The following PLXNA2 variants were observed in gnomAD, a reference collection of about 807,000 sequenced individuals.
PLXNA2 encodes plexin A2, also known as plexin-A2.
Under a neutral mutation model 193.5 loss-of-function variants are expected in PLXNA2, and 91 were observed. That is an observed-to-expected ratio of 0.47 (90% CI 0.40 to 0.56). PLXNA2 has a LOEUF of 0.56. Ranked by LOEUF, PLXNA2 falls within the 20% of genes least tolerant of loss-of-function variation. The pLI is 0.00. For missense variants in PLXNA2, 1,995 were observed against 2,503.2 expected, an observed-to-expected ratio of 0.80 and a Z score of 4.33; for synonymous variants, 997 against 1,027.3, an observed-to-expected ratio of 0.97 and a Z score of 0.56.
At chr1:208,173,969 C>T (rs182915399) in intron 3 of PLXNA2, among the ~76,000 whole-genome samples, 4 of 152,356 alleles carry the variant, frequency 2.6e-5, no homozygotes, top group East Asian at 1.9e-4. Flanking sequence ...TGCGCACCCC[C>T]ACTCACACAG....
chr1:208,204,472 C>T (rs1670651965), intron 3 of PLXNA2, among the ~76,000 whole-genome samples: 1 of 152,206 alleles, frequency 6.6e-6, no homozygotes, highest in Admixed American at 6.5e-5. Flanking sequence ...TCCTGTTACC[C>T]ACCAGAAGTT....
intron 12 of PLXNA2, among the ~76,000 whole-genome samples, chr1:208,063,015 C>T (rs1665666561): frequency 6.6e-6 from 1 of 152,154 alleles, no homozygotes; most frequent in African/African-American, 2.4e-5. Flanking sequence ...TCCTGGTTCT[C>T]TTTTAATCCA....
intron 31 of PLXNA2, 28 bp from the exon 32 acceptor site, chr1:208,027,366 A>C: frequency 2.5e-6 from 4 of 1,589,544 alleles, no homozygotes; most frequent in Non-Finnish European, 3.4e-6. Flanking sequence ...AGGCAGGAAG[A>C]CTTCAGGACT....
intron 3 of PLXNA2, among the ~76,000 whole-genome samples, chr1:208,208,269 C>G (rs1181288025): frequency 6.6e-6 from 1 of 152,196 alleles, no homozygotes; most frequent in Non-Finnish European, 1.5e-5. Context: ...CTGTAGCAAG[C>G]CTGGACCTGA....
chr1:208,066,038 G>A (rs1027711671), intron 12 of PLXNA2, among the ~76,000 whole-genome samples: 5 of 152,070 alleles, frequency 3.3e-5, no homozygotes, highest in Non-Finnish European at 7.4e-5. Flanking sequence ...GGGTGTATGT[G>A]TGTGTGTGTG....
intron 8 of PLXNA2, among the ~76,000 whole-genome samples, chr1:208,093,538 A>G (rs1026435461): frequency 2.0e-5 from 3 of 152,222 alleles, no homozygotes; most frequent in African/African-American, 7.2e-5. Context: ...GTTTCGAAAA[A>G]TGCCATGCTA....
chr1:208,182,205 C>T (rs991637174), intron 3 of PLXNA2, among the ~76,000 whole-genome samples: 5 of 152,140 alleles, frequency 3.3e-5, no homozygotes, highest in Admixed American at 2.0e-4. Context: ...GAGGCTGAGG[C>T]GGGCGGATCA....
intron 4 of PLXNA2, among the ~76,000 whole-genome samples, chr1:208,113,319 A>G (rs966185015): frequency 7.2e-5 from 11 of 152,132 alleles, no homozygotes; most frequent in Non-Finnish European, 1.5e-4. Context: ...CATTCATTCC[A>G]CAATGGTTGT....
At chr1:208,119,588 C>T (rs940980226) in intron 4 of PLXNA2, among the ~76,000 whole-genome samples, 3 of 152,174 alleles carry the variant, frequency 2.0e-5, no homozygotes, top group Admixed American at 6.5e-5. Flanking sequence ...GGCTGAGTTT[C>T]TCTGGAACTT....
At chr1:208,071,778 T>C (rs914109298) in intron 12 of PLXNA2, among the ~76,000 whole-genome samples, 1 of 152,210 alleles carries the variant, frequency 6.6e-6, no homozygotes, top group East Asian at 1.9e-4. Context: ...TGCAAATAAA[T>C]GAACGAAAGA....
In PLXNA2 at chr1:208,235,600, C is replaced by T. The variant is rs372269787; in HGVS notation, c.-81+8043G>A. On this transcript the variant is annotated intron_variant, in intron 1 of 31. Transcript: ENST00000367033. ...CTCCCTCCTGGGACCAGGGAACAAA[C>T]GGAGGGTGAGCACCGGTCAACAGGT... Among the ~76,000 whole-genome samples the T allele has an allele frequency of 1.6e-4, 25 of 152,264 alleles. 1 individual carries two copies. The highest frequency in any genetic ancestry group is 6.2e-4 in the South Asian group (3 of 4,816).
chr1:208,036,492 C>A (rs1409831), intron 26 of PLXNA2, among the ~76,000 whole-genome samples: 34,783 of 152,098 alleles, frequency 0.23, 4,175 homozygotes, highest in East Asian at 0.32. Context: ...TGAGCCTTAC[C>A]GGTCAGTGGG....
chr1:208,207,432 T>C (rs12142104), intron 3 of PLXNA2, among the ~76,000 whole-genome samples: 35,363 of 152,178 alleles, frequency 0.23, 4,661 homozygotes, highest in Non-Finnish European at 0.29. Flanking sequence ...TATAAGCAGC[T>C]ATGTGGACAC....
At chr1:208,201,840 C>T (rs1452450134) in intron 3 of PLXNA2, among the ~76,000 whole-genome samples, 1 of 152,172 alleles carries the variant, frequency 6.6e-6, no homozygotes. Flanking sequence ...TGCACTCCAT[C>T]CCTTCCATGA....
chr1:208,201,155 G>T (rs143771433), intron 3 of PLXNA2, among the ~76,000 whole-genome samples: 25 of 152,350 alleles, frequency 1.6e-4, no homozygotes, highest in African/African-American at 4.3e-4. Flanking sequence ...TAGCAATCTT[G>T]CCAGGCAGGC....
At chr1:208,129,147 T>C (rs1668069468) in intron 4 of PLXNA2, among the ~76,000 whole-genome samples, 1 of 152,224 alleles carries the variant, frequency 6.6e-6, no homozygotes, top group Non-Finnish European at 1.5e-5. Context: ...TCATTTCCTT[T>C]ATCCTCTTTC....
intron 4 of PLXNA2, among the ~76,000 whole-genome samples, chr1:208,119,905 C>T (rs1667752142): frequency 6.6e-6 from 1 of 152,232 alleles, no homozygotes; most frequent in African/African-American, 2.4e-5. Context: ...TGAGCCACCG[C>T]ACCTGGCCTT....
At chr1:208,151,638 T>C (rs1362419170) in intron 3 of PLXNA2, among the ~76,000 whole-genome samples, 4 of 152,234 alleles carry the variant, frequency 2.6e-5, no homozygotes, top group Admixed American at 2.6e-4. Context: ...ACACATTTAT[T>C]GAGCATCTAT....
chr1:208,197,066 A>G (rs2102575642), intron 3 of PLXNA2, among the ~76,000 whole-genome samples: 1 of 152,340 alleles, frequency 6.6e-6, no homozygotes, highest in South Asian at 2.1e-4. Flanking sequence ...AATTGCTGAG[A>G]AGTTAAATAA....
Sources: allele counts gnomAD v4.1 joint callset (sites outside exome capture counted in the v4.1 genomes callset), GRCh38; gene constraint gnomAD v4.1.1; transcripts MANE v1.5; gene names NCBI Gene and HGNC (gene_info 2026-07-23, HGNC 2026-07-21).